NOX1: variants seen among roughly 807,000 people sequenced by gnomAD.
NOX1 encodes the protein NADPH oxidase 1, also known as NADH/NADPH mitogenic oxidase subunit P65-MOX.
NOX1 carries 34 observed loss-of-function variants against 42.5 expected under a neutral mutation model. That is an observed-to-expected ratio of 0.80 (90% CI 0.61 to 1.07). The LOEUF (loss-of-function observed/expected upper bound fraction) is 1.07, where lower values mean the gene tolerates loss of function less well. Among genes scored for constraint, NOX1 ranks in the 50% least tolerant of loss-of-function variants. The probability of loss-of-function intolerance (pLI) is 0.00; values close to 1 mark genes in which losing one functional copy is unlikely to be tolerated. For missense variants in NOX1, 408 were observed against 427.0 expected (o/e 0.96, Z 0.39); for synonymous variants, 143 against 152.5 (o/e 0.94, Z 0.46).
At chrX:100,855,770 C>T (rs922740130) in intron 7 of NOX1, 4 of 1,038,071 alleles carry the variant, frequency 3.9e-6, no homozygotes, top group Non-Finnish European at 5.3e-6. Context: ...AGTTTTCATT[C>T]CCACCAAAAC....
In NOX1 at chrX:100,858,964, C is replaced by T. The variant is rs138758528; in HGVS notation, c.804+3207G>A. Among the ~76,000 whole-genome samples, 32 of 111,382 alleles carry T rather than the reference C, an allele frequency of 2.9e-4. No individual in the cohort carries two copies. The East Asian group carries it at 8.2e-3, about 29-fold the overall frequency. ...ATTGCTCTGGACAGGACTTCCAGCA[C>T]GATGTTAAATAGGAGTGGTAAGAGA... On this transcript the variant is annotated intron_variant, in intron 7 of 12. Transcript: ENST00000372966.
chrX:100,862,640 T>TCAGATG, intron 5 of NOX1, 29 bp downstream of exon 5: 1 of 1,190,687 alleles, frequency 8.4e-7, no homozygotes, highest in East Asian at 3.0e-5. Flanking sequence ...TGACCAGATC[T>TCAGATG]CAGATGCTTT....
At chrX:100,856,942 A>T (rs2085171535) in intron 7 of NOX1, among the ~76,000 whole-genome samples, 1 of 111,026 alleles carries the variant, frequency 9.0e-6, no homozygotes, top group Non-Finnish European at 1.9e-5. Context: ...GGTAAACTAC[A>T]TGTCACAGGG....
Position 100,862,952 on chromosome X carries a change from A to C in NOX1, c.338-132T>G, listed in dbSNP as rs553858081. 583 of 658,424 alleles carry C rather than the reference A, an allele frequency of 8.9e-4. 3 individuals carry two copies. Among genetic ancestry groups the C allele is most frequent in the South Asian group, 5.7e-3 (222 of 39,202 alleles). 54.3% of individuals were successfully genotyped at this position (658,424 alleles called of 1,213,427 possible). On this transcript the variant is annotated intron_variant, in intron 4 of 12. Coordinates refer to ENST00000372966, the MANE Select transcript of NOX1 (RefSeq NM_007052.5). ...CTGAGTGCACAGAAGGTGCCCAATAAACCCTCGATTGCGGAGAGATCTTTT... is the reference window on the plus strand; with the variant it reads ...CTGAGTGCACAGAAGGTGCCCAATACACCCTCGATTGCGGAGAGATCTTTT...
intron 7 of NOX1, among the ~76,000 whole-genome samples, chrX:100,860,896 G>A (rs1451968334): frequency 9.0e-6 from 1 of 110,871 alleles, no homozygotes; most frequent in African/African-American, 3.3e-5. Flanking sequence ...ACACCACCAT[G>A]CCCAACTAAT....
intron 1 of NOX1, among the ~76,000 whole-genome samples, chrX:100,872,056 AT>A (rs2085278234): frequency 8.9e-6 from 1 of 112,121 alleles, no homozygotes; most frequent in Admixed American, 9.5e-5. Context: ...GTGTAAAGTG[AT>A]TAATGCAATG....
chrX:100,844,940 T>G (rs1306207294), intron 12 of NOX1, among the ~76,000 whole-genome samples: 1 of 112,199 alleles, frequency 8.9e-6, no homozygotes, highest in African/African-American at 3.2e-5. Flanking sequence ...AAATTTCTCC[T>G]AGTGGAGAGG....
At chrX:100,872,176 C>G (rs2085279046) in intron 1 of NOX1, among the ~76,000 whole-genome samples, 1 of 112,054 alleles carries the variant, frequency 8.9e-6, no homozygotes, top group Non-Finnish European at 1.9e-5. Context: ...TTACCCTTTT[C>G]CAGAGCTGAG....
At chrX:100,855,919 G>C in intron 7 of NOX1, 1 of 1,170,201 alleles carries the variant, frequency 8.5e-7, no homozygotes, top group South Asian at 1.8e-5. Context: ...ACGGAGTCAT[G>C]GTCGTCAAAA....
rs1374284795 is a variant in NOX1 at position 100,874,237 on chromosome X, A to C, written c.-98T>G. 3 of 568,757 alleles carry C rather than the reference A, an allele frequency of 5.3e-6. No homozygotes were observed. Among genetic ancestry groups the C allele is most frequent in the Non-Finnish European group, 9.0e-6 (3 of 331,871 alleles). 46.9% of individuals were successfully genotyped at this position (568,757 alleles called of 1,213,427 possible). On this transcript the variant is annotated 5_prime_UTR_variant, in exon 1 of 13. Coordinates refer to ENST00000372966, the MANE Select transcript of NOX1 (RefSeq NM_007052.5). The stretch of plus-strand genomic sequence containing the variant: ...CAGGAATGGAACATTTGTCCAGCGC[A>C]GGGTCTGTGAGCCTTTAAGATGTGA...
intron 7 of NOX1, among the ~76,000 whole-genome samples, chrX:100,858,293 T>C (rs1273493829): frequency 8.9e-6 from 1 of 112,118 alleles, no homozygotes; most frequent in African/African-American, 3.2e-5. Flanking sequence ...AGTCTGTGTG[T>C]CTGTTTTTAT....
chrX:100,847,499 T>C (rs1602379950), intron 12 of NOX1, among the ~76,000 whole-genome samples: 1 of 110,373 alleles, frequency 9.1e-6, no homozygotes, highest in Admixed American at 9.6e-5. Context: ...GCTTGGTGGA[T>C]CATGCCTGTA....
At chrX:100,857,657 G>T (rs886203997) in intron 7 of NOX1, among the ~76,000 whole-genome samples, 6 of 109,716 alleles carry the variant, frequency 5.5e-5, no homozygotes, top group Admixed American at 1.9e-4. Flanking sequence ...TCATATGCTT[G>T]TTGGCTGCGT....
At chrX:100,844,924 A>G (rs1225257179) in intron 12 of NOX1, among the ~76,000 whole-genome samples, 2 of 111,939 alleles carry the variant, frequency 1.8e-5, no homozygotes, top group African/African-American at 6.5e-5. Flanking sequence ...GCTTATCCCT[A>G]CCTCAAAATT....
Position 100,843,554 on chromosome X carries a change from G to GT in NOX1, c.*397dup. ...AAGTCACCCTACTTAGAAATCTTCT[G>GT]TGGGGGTGGGAGGGACAAAAGATTA... On this transcript the variant is annotated 3_prime_UTR_variant, in exon 13 of 13. Coordinates refer to ENST00000372966, the MANE Select transcript of NOX1 (RefSeq NM_007052.5). 2.2e-6 allele frequency: 2 copies of GT among 903,547 alleles called. No homozygotes were observed. The highest frequency in any genetic ancestry group is 2.9e-6 in the Non-Finnish European group (2 of 687,744). The allele number at this position is 903,547 out of a possible 1,213,427, so 74.5% of individuals were successfully genotyped here.
rs111680703 is a variant in NOX1 at position 100,849,503 on chromosome X, A to G, written c.1297-77T>C. Reference sequence around the variant, plus strand: ...ATTTATAGAGCCGCAAACTTTAGGCAGCAGGAATGTTCAGAGTTCTGACAA... The same window carrying G: ...ATTTATAGAGCCGCAAACTTTAGGCGGCAGGAATGTTCAGAGTTCTGACAA... On this transcript the variant is annotated intron_variant, in intron 10 of 12. Coordinates refer to ENST00000372966, the MANE Select transcript of NOX1 (RefSeq NM_007052.5). 3.5e-5 allele frequency: 36 copies of G among 1,025,125 alleles called. No individual in the cohort carries two copies. The African/African-American group carries it at 4.4e-4, about 12-fold the overall frequency. 84.5% of individuals were successfully genotyped at this position (1,025,125 alleles called of 1,213,427 possible).
chrX:100,871,779 C>G (rs916963157), intron 1 of NOX1, among the ~76,000 whole-genome samples: 2 of 111,563 alleles, frequency 1.8e-5, no homozygotes, highest in South Asian at 7.7e-4. Flanking sequence ...AGAACCATCT[C>G]AGCACAACAG....
intron 1 of NOX1, among the ~76,000 whole-genome samples, chrX:100,873,194 C>G (rs2085286737): frequency 9.0e-6 from 1 of 110,925 alleles, no homozygotes; most frequent in Admixed American, 9.6e-5. Context: ...CCAGGCTCAA[C>G]TGTGGCTCAG....
Position 100,843,956 on chromosome X carries a change from A to G in NOX1, c.1691T>C (p.Phe564Ser), listed in dbSNP as rs369754159. Residue 564 changes from phenylalanine (F) to serine (S), a missense_variant, in exon 13 of 13, where the codon TTT becomes TCT. Physicochemically the swap from Phe to Ser is radical, Grantham distance 155. Transcript: ENST00000372966. ...TACCGTCCTTATTCCTATAACTCAA[A>G]AATTTTCTTTGTTGAAGTAGAATTG... ...KVQFYFNKENF is the reference protein window; with the variant it reads ...KVQFYFNKENS The G allele has an allele frequency of 1.7e-6, 2 of 1,204,734 alleles. No homozygotes were observed. Among genetic ancestry groups the G allele is most frequent in the Non-Finnish European group, 2.2e-6 (2 of 889,966 alleles).
Sources: gnomAD v4.1 joint callset for allele counts (sites outside exome capture counted in the v4.1 genomes callset) on GRCh38, gnomAD v4.1.1 for gene constraint, MANE v1.5 for transcripts, NCBI Gene and HGNC (gene_info 2026-07-23, HGNC 2026-07-21) for gene names.